The following TLK1 variants were observed in gnomAD, a reference collection of about 807,000 sequenced individuals.
TLK1 encodes the protein serine/threonine-protein kinase tousled-like 1.
A neutral mutation model predicts 105.3 loss-of-function variants in TLK1; 24 were observed. The ratio of observed to expected loss-of-function variants is 0.23; its 90% CI spans 0.17 to 0.32. The LOEUF is 0.32. TLK1 is among the 10% of genes least tolerant of loss of function. TLK1 has a pLI of 1.00. For missense variants in TLK1, 558 were observed against 910.5 expected (o/e 0.61, Z 4.98); for synonymous variants, 321 against 310.4 (o/e 1.03, Z -0.36).
chr2:171,208,709 T>C (rs1012295149), intron 1 of TLK1, among the ~76,000 whole-genome samples: 1 of 152,234 alleles, frequency 6.6e-6, no homozygotes, highest in Non-Finnish European at 1.5e-5. Context: ...AATGAGGCAT[T>C]TGATATTGAC....
rs185329281 is a variant in TLK1 at position 171,068,678 on chromosome 2, A to G, written c.331-7522T>C. Reference sequence around the variant, plus strand: ...GTTATGTATCATCAGGATTAGGAACAGTCTGTCTGTCTATCTAGGTTTATA... The same window carrying G: ...GTTATGTATCATCAGGATTAGGAACGGTCTGTCTGTCTATCTAGGTTTATA... On this transcript the variant is annotated intron_variant, in intron 3 of 20. Transcript: ENST00000431350. Among the ~76,000 whole-genome samples, 3 of 152,342 alleles carry G rather than the reference A, an allele frequency of 2.0e-5. No homozygotes were observed. In the East Asian group the frequency reaches 5.8e-4, roughly 29 times the overall value.
Position 171,127,379 on chromosome 2 carries a change from A to G in TLK1, c.140-9522T>C, listed in dbSNP as rs184500352. 5.1e-3 allele frequency among the ~76,000 whole-genome samples: 769 copies of G among 152,206 alleles called. 5 individuals are homozygous for G. The highest frequency in any genetic ancestry group is 0.017 in the African/African-American group (716 of 41,560). ...TTGAAACATCCATTTTAACATGGTT[A>G]ATAAATAGAACATACCTATTTTCAT... On this transcript the variant is annotated intron_variant, in intron 1 of 20. Coordinates refer to ENST00000431350, the MANE Select transcript of TLK1 (RefSeq NM_012290.5).
At chr2:171,068,917 T>G (rs766012681) in intron 3 of TLK1, among the ~76,000 whole-genome samples, 2 of 152,198 alleles carry the variant, frequency 1.3e-5, no homozygotes, top group Non-Finnish European at 2.9e-5. Context: ...TGTGTTCTAC[T>G]GACATAAAAA....
In TLK1 at chr2:171,129,111, A is replaced by G. The variant is rs141165729; in HGVS notation, c.140-11254T>C. ...GAATCTGGTAAAACTTGAGCTGGTA[A>G]TTACCCTCTCCTCACTACCAGAAAG... On this transcript the variant is annotated intron_variant, in intron 1 of 20. Coordinates refer to ENST00000431350, the MANE Select transcript of TLK1 (RefSeq NM_012290.5). Among the ~76,000 whole-genome samples the G allele has an allele frequency of 1.7e-4, 26 of 152,326 alleles. No homozygotes were observed. The East Asian group carries it at 5.0e-3, about 29-fold the overall frequency.
chr2:171,139,768 A>AC (rs1466754835), intron 1 of TLK1, among the ~76,000 whole-genome samples: 5 of 129,848 alleles, frequency 3.9e-5, no homozygotes, highest in South Asian at 5.2e-4. Context: ...CCTTTTTGGC[A>AC]CCAGTGGCCA....
At chr2:171,162,369 C>A (rs764700024), upstream of TLK1, among the ~76,000 whole-genome samples, 2 of 152,206 alleles carry the variant, frequency 1.3e-5, no homozygotes, top group Non-Finnish European at 2.9e-5. Context: ...GAAACCCCAT[C>A]TCTACTTAAA....
At chr2:171,146,927 G>C (rs1431806206) in intron 1 of TLK1, among the ~76,000 whole-genome samples, 1 of 152,158 alleles carries the variant, frequency 6.6e-6, no homozygotes, top group African/African-American at 2.4e-5. Flanking sequence ...CCTAACTGGG[G>C]TCTAAGGGAT....
intron 12 of TLK1, among the ~76,000 whole-genome samples, chr2:171,026,357 A>C (rs1411731135): frequency 1.3e-5 from 2 of 152,140 alleles, no homozygotes; most frequent in Non-Finnish European, 2.9e-5. Flanking sequence ...TTTTCAAAGT[A>C]CCAGGAAAGC....
At chr2:171,122,921 C>T (rs943586597) in intron 1 of TLK1, among the ~76,000 whole-genome samples, 10 of 151,834 alleles carry the variant, frequency 6.6e-5, no homozygotes, top group Non-Finnish European at 1.3e-4. Flanking sequence ...TGCCTGTAAT[C>T]CCAGCTACTT....
chr2:171,126,238 GATCA>G (rs1434804630), intron 1 of TLK1, among the ~76,000 whole-genome samples: 1 of 152,050 alleles, frequency 6.6e-6, no homozygotes, highest in African/African-American at 2.4e-5. Context: ...CCAAATTAGA[GATCA>G]ATCACATTCA....
At chr2:171,214,205 A>G (rs1377764505) in intron 1 of TLK1, among the ~76,000 whole-genome samples, 2 of 152,048 alleles carry the variant, frequency 1.3e-5, no homozygotes, top group Non-Finnish European at 2.9e-5. Context: ...ATCCTGTCTC[A>G]AGAAAAAAGA....
intron 1 of TLK1, among the ~76,000 whole-genome samples, chr2:171,218,569 T>C (rs1693755860): frequency 6.6e-6 from 1 of 152,202 alleles, no homozygotes; most frequent in South Asian, 2.1e-4. Flanking sequence ...TGGAAATTTA[T>C]TTCTCGCAGT....
At position 171,015,426 on chromosome 2, in the gene TLK1, ACACACAC is replaced by A. The variant is rs1685130799; in HGVS notation, c.1237-485_1237-479del. 6.7e-5 allele frequency among the ~76,000 whole-genome samples: 6 copies of A among 89,028 alleles called. No homozygotes were observed. In the South Asian group the frequency reaches 1.7e-3, roughly 25 times the overall value. The allele number at this position is 89,028 out of a possible 152,430, so 58.4% of individuals were successfully genotyped here. On this transcript the variant is annotated intron_variant, in intron 12 of 20. Transcript: ENST00000431350. The stretch of plus-strand genomic sequence containing the variant: ...GCATTTGGAGTACAAACACACACAC[ACACACAC>A]ACACACACACACACACACACACACA...
At chr2:171,001,908 G>A (rs760115091) in intron 18 of TLK1, among the ~76,000 whole-genome samples, 1 of 152,062 alleles carries the variant, frequency 6.6e-6, no homozygotes, top group Non-Finnish European at 1.5e-5. Context: ...AGCCTCCATA[G>A]TAGCTGAGAA....
intron 2 of TLK1, among the ~76,000 whole-genome samples, chr2:171,108,702 C>T (rs1483148523): frequency 6.6e-6 from 1 of 151,984 alleles, no homozygotes; most frequent in Non-Finnish European, 1.5e-5. Context: ...CTCCTGAGCT[C>T]AAGTAATCCT....
chr2:171,018,407 T>C (rs563542560), intron 12 of TLK1, among the ~76,000 whole-genome samples: 60 of 152,370 alleles, frequency 3.9e-4, no homozygotes, highest in Non-Finnish European at 7.5e-4. Context: ...TAGCACCTTG[T>C]CCTCAGAGAA....
At chr2:171,187,116 CT>C (rs1195327944) in intron 1 of TLK1, among the ~76,000 whole-genome samples, 1 of 141,362 alleles carries the variant, frequency 7.1e-6, no homozygotes, top group Non-Finnish European at 1.5e-5. Flanking sequence ...AGAATAAAGT[CT>C]TTAAATCCAG....
intron 2 of TLK1, among the ~76,000 whole-genome samples, chr2:171,106,047 A>T (rs1689910128): frequency 1.3e-5 from 2 of 152,240 alleles, no homozygotes; most frequent in Admixed American, 1.3e-4. Flanking sequence ...TCTCTCATTC[A>T]CAGCAACACT....
chr2:171,014,571 T>G (rs1384525077), intron 13 of TLK1, among the ~76,000 whole-genome samples: 1 of 152,020 alleles, frequency 6.6e-6, no homozygotes, highest in Non-Finnish European at 1.5e-5. Flanking sequence ...AGATAAGTAA[T>G]TAAGCCAATT....
Sources: allele counts gnomAD v4.1 joint callset (sites outside exome capture counted in the v4.1 genomes callset), GRCh38; gene constraint gnomAD v4.1.1; transcripts MANE v1.5; gene names NCBI Gene and HGNC (gene_info 2026-07-23, HGNC 2026-07-21).